PPP1R12B: variants seen among roughly 807,000 people sequenced by gnomAD.
PPP1R12B encodes the protein myosin phosphatase target subunit 2.
In PPP1R12B, 76 loss-of-function variants were observed where a neutral mutation model predicts 126.1. That is an observed-to-expected ratio of 0.60 (90% confidence interval 0.50 to 0.73). The LOEUF (loss-of-function observed/expected upper bound fraction) is 0.73, where lower values mean the gene tolerates loss of function less well. Ranked by LOEUF, PPP1R12B falls within the 30% of genes least tolerant of loss-of-function variation. The pLI is 0.00. For missense variants in PPP1R12B, 1,052 were observed against 1,205.1 expected, an observed-to-expected ratio of 0.87 and a Z score of 1.88; for synonymous variants, 356 against 434.7, an observed-to-expected ratio of 0.82 and a Z score of 2.25.
chr1:202,432,183 T>C (rs901015759), intron 8 of PPP1R12B, among the ~76,000 whole-genome samples: 4 of 152,158 alleles, frequency 2.6e-5, no homozygotes, highest in African/African-American at 7.2e-5. Flanking sequence ...TCTTTTTTTT[T>C]CCCTCTCGTG....
chr1:202,396,582 CAG>C (rs1020259683), intron 1 of PPP1R12B, among the ~76,000 whole-genome samples: 3 of 152,106 alleles, frequency 2.0e-5, no homozygotes, highest in Admixed American at 6.5e-5. Context: ...ACAGATAAAA[CAG>C]AGAAATTAGA....
intron 18 of PPP1R12B, among the ~76,000 whole-genome samples, chr1:202,520,176 A>T (rs1439049625): frequency 6.6e-6 from 1 of 152,254 alleles, no homozygotes; most frequent in African/African-American, 2.4e-5. Flanking sequence ...TGGAAGGTAC[A>T]TTAGAAGTTG....
intron 23 of PPP1R12B, among the ~76,000 whole-genome samples, chr1:202,572,962 T>A (rs1688748959): frequency 6.6e-6 from 1 of 152,198 alleles, no homozygotes; most frequent in Non-Finnish European, 1.5e-5. Flanking sequence ...ACTTCCAAAT[T>A]CTTTCACCTT....
At chr1:202,537,214 C>A (rs1002564159) in intron 18 of PPP1R12B, among the ~76,000 whole-genome samples, 3 of 152,012 alleles carry the variant, frequency 2.0e-5, no homozygotes, top group Admixed American at 6.6e-5. Flanking sequence ...ATTAGCCCGG[C>A]ATGGTGGCAG....
intron 12 of PPP1R12B, chr1:202,448,539 A>G (rs1209888049): frequency 1.2e-5 from 2 of 161,106 alleles, no homozygotes; most frequent in African/African-American, 4.8e-5. Flanking sequence ...GCTGAGGACT[A>G]CCACAAAGAC....
At chr1:202,546,971 T>C (rs778745589) in intron 18 of PPP1R12B, among the ~76,000 whole-genome samples, 1 of 152,186 alleles carries the variant, frequency 6.6e-6, no homozygotes, top group African/African-American at 2.4e-5. Flanking sequence ...CAGCAGGTCT[T>C]GTATCTGGTT....
intron 18 of PPP1R12B, among the ~76,000 whole-genome samples, chr1:202,512,636 G>C (rs1681660250): frequency 6.6e-6 from 1 of 152,104 alleles, no homozygotes; most frequent in African/African-American, 2.4e-5. Context: ...TGTATATAAA[G>C]GGTTTAGCAC....
rs1007024710 is a variant in PPP1R12B at position 202,584,203 on chromosome 1, A to C, written c.*3643A>C. On this transcript the variant is annotated 3_prime_UTR_variant, in exon 24 of 24. Transcript: ENST00000608999. The stretch of plus-strand genomic sequence containing the variant: ...TTCCCTAGAACCTCCCTGTCTTCCA[A>C]CTGCAGGATGTGTTTACTTCTCTTC... 6.6e-6 allele frequency: 1 copy of C among 152,160 alleles called. No homozygotes were observed. Among genetic ancestry groups the C allele is most frequent in the East Asian group, 1.9e-4 (1 of 5,198 alleles). The allele number at this position is 152,160 out of a possible 1,614,324, so 9.4% of individuals were successfully genotyped here.
At position 202,452,508 on chromosome 1, in the gene PPP1R12B, C is replaced by T. The variant is rs1673127337; in HGVS notation, c.1850+3337C>T. ...GAGCCGAGATGGCAGCAGTACAGTC[C>T]AGCTTCGGCTTGGCATCAGAGGGAG... On this transcript the variant is annotated intron_variant, in intron 13 of 23. Transcript: ENST00000608999. Among the ~76,000 whole-genome samples the T allele has an allele frequency of 2.6e-5, 4 of 152,140 alleles. No individual in the cohort carries two copies. In the South Asian group the frequency reaches 8.3e-4, roughly 32 times the overall value.
chr1:202,571,664 C>T (rs1228551138), intron 23 of PPP1R12B, among the ~76,000 whole-genome samples: 1 of 152,194 alleles, frequency 6.6e-6, no homozygotes, highest in Non-Finnish European at 1.5e-5. Context: ...CCATGTTGCA[C>T]CAGGTGGTCT....
intron 1 of PPP1R12B, among the ~76,000 whole-genome samples, chr1:202,404,392 T>G (rs994055119): frequency 1.3e-5 from 2 of 152,144 alleles, no homozygotes; most frequent in Admixed American, 1.3e-4. Context: ...CCTCCAGACC[T>G]TTGCCTATGT....
intron 23 of PPP1R12B, 75 bp downstream of exon 23, chr1:202,569,272 C>A: frequency 7.1e-7 from 1 of 1,415,032 alleles, no homozygotes; most frequent in Non-Finnish European, 9.9e-7. Context: ...TGAGCATAGG[C>A]CTGCCCCCTC....
At chr1:202,513,204 C>T (rs536731750) in intron 18 of PPP1R12B, among the ~76,000 whole-genome samples, 59 of 152,304 alleles carry the variant, frequency 3.9e-4, no homozygotes, top group African/African-American at 1.3e-3. Flanking sequence ...GAACTCCTGA[C>T]CTCAGGTGAT....
chr1:202,445,641 A>G (rs936770937), intron 12 of PPP1R12B, among the ~76,000 whole-genome samples: 1 of 152,240 alleles, frequency 6.6e-6, no homozygotes, highest in East Asian at 1.9e-4. Context: ...AACCCAAATC[A>G]GAAAGAAAGC....
intron 18 of PPP1R12B, chr1:202,502,005 G>A (rs946925888): frequency 2.1e-5 from 21 of 985,034 alleles, no homozygotes; most frequent in Non-Finnish European, 2.4e-5. Flanking sequence ...CCTTGACATA[G>A]GTGGGTAGTT....
intron 1 of PPP1R12B, among the ~76,000 whole-genome samples, chr1:202,359,883 A>G (rs1299212414): frequency 1.3e-5 from 2 of 151,874 alleles, no homozygotes; most frequent in Non-Finnish European, 2.9e-5. Flanking sequence ...ATATTTTAGT[A>G]GTGTTTAAGT....
At chr1:202,453,881 G>C (rs1362106564) in intron 13 of PPP1R12B, among the ~76,000 whole-genome samples, 1 of 151,882 alleles carries the variant, frequency 6.6e-6, no homozygotes, top group African/African-American at 2.4e-5. Flanking sequence ...GCCAATAACT[G>C]TCTTTTCAAA....
At position 202,591,929 on chromosome 1, in the gene PPP1R12B, A is replaced by G. The variant is rs775633227; in HGVS notation, c.*11369A>G. 7.2e-5 allele frequency: 11 copies of G among 152,890 alleles called. No homozygotes were observed. Among genetic ancestry groups the G allele is most frequent in the Non-Finnish European group, 1.5e-4 (10 of 68,246 alleles). The allele number at this position is 152,890 out of a possible 1,614,324, so 9.5% of individuals were successfully genotyped here. A position where few individuals can be genotyped will look rare whatever the true frequency, so the allele number is the denominator to read the frequency against. On this transcript the variant is annotated 3_prime_UTR_variant, in exon 24 of 24. Transcript: ENST00000608999. ...ACTGTGAACCCAGGCCGAGAAAGCC[A>G]GCTCGGGCAGGGCCAGCATGGGCAT... is the stretch of plus-strand genomic sequence containing the variant.
At chr1:202,504,192 C>T (rs1378912563) in intron 18 of PPP1R12B, among the ~76,000 whole-genome samples, 3 of 152,130 alleles carry the variant, frequency 2.0e-5, no homozygotes, top group Non-Finnish European at 1.5e-5. Flanking sequence ...GTCAGGAGTT[C>T]GAGACCAGCC....
Sources: allele counts gnomAD v4.1 joint callset (sites outside exome capture counted in the v4.1 genomes callset), GRCh38; gene constraint gnomAD v4.1.1; transcripts MANE v1.5; gene names NCBI Gene and HGNC (gene_info 2026-07-23, HGNC 2026-07-21).